CTNNA3: variants seen among roughly 807,000 people sequenced by gnomAD.
CTNNA3 encodes catenin alpha-3.
In CTNNA3, 76 loss-of-function variants were observed where a neutral mutation model predicts 95.7. The ratio of observed to expected loss-of-function variants is 0.79; its 90% CI spans 0.66 to 0.96. CTNNA3 has a LOEUF of 0.96. Ranked by LOEUF, CTNNA3 falls within the 40% of genes least tolerant of loss-of-function variation. The pLI is 0.00. For synonymous variants in CTNNA3, 431 were observed against 374.4 expected (o/e 1.15, Z -1.74); for missense variants, 1,191 against 1,089.8 (o/e 1.09, Z -1.31).
At chr10:67,240,046 T>C (rs1472078377) in intron 5 of CTNNA3, among the ~76,000 whole-genome samples, 1 of 152,206 alleles carries the variant, frequency 6.6e-6, no homozygotes, top group Non-Finnish European at 1.5e-5. Flanking sequence ...CCACATGGAA[T>C]AGCTCAGCAT....
chr10:66,052,516 A>C (rs2079979990), intron 15 of CTNNA3, among the ~76,000 whole-genome samples: 2 of 152,174 alleles, frequency 1.3e-5, no homozygotes. Flanking sequence ...CAGTGTGTGC[A>C]TGTTGTACGT....
At chr10:66,667,057 T>G (rs7914299) in intron 9 of CTNNA3, among the ~76,000 whole-genome samples, 99,617 of 151,856 alleles carry the variant, frequency 0.66, 33,490 homozygotes, top group East Asian at 0.95. Context: ...CCCTATTGAG[T>G]TTATAGTCAA....
chr10:66,390,698 T>C (rs904339829), intron 11 of CTNNA3, among the ~76,000 whole-genome samples: 6 of 152,032 alleles, frequency 3.9e-5, no homozygotes, highest in Admixed American at 2.6e-4. Flanking sequence ...AAAAAGCAAA[T>C]AGAATGCATT....
intron 7 of CTNNA3, among the ~76,000 whole-genome samples, chr10:66,777,783 A>ACACG (rs1840365891): frequency 8.0e-6 from 1 of 124,408 alleles, no homozygotes; most frequent in African/African-American, 2.8e-5. Context: ...ACACACACAC[A>ACACG]CACACACACA....
intron 10 of CTNNA3, among the ~76,000 whole-genome samples, chr10:66,597,287 G>A (rs1377690839): frequency 6.6e-6 from 1 of 151,382 alleles, no homozygotes; most frequent in East Asian, 1.9e-4. Flanking sequence ...CCAATCTGGG[G>A]AGTAAAATGA....
At chr10:66,112,759 T>G (rs2082165830) in intron 13 of CTNNA3, among the ~76,000 whole-genome samples, 1 of 152,128 alleles carries the variant, frequency 6.6e-6, no homozygotes. Context: ...TCACTTAGAA[T>G]AATGTCCCCA....
At chr10:66,494,552 T>G (rs1298244022) in intron 11 of CTNNA3, among the ~76,000 whole-genome samples, 3 of 152,184 alleles carry the variant, frequency 2.0e-5, no homozygotes, top group African/African-American at 7.2e-5. Flanking sequence ...AAGTATGACA[T>G]TGGGTAATAG....
intron 1 of CTNNA3, among the ~76,000 whole-genome samples, chr10:67,733,439 T>C (rs935596728): frequency 1.5e-4 from 23 of 152,136 alleles, no homozygotes; most frequent in African/African-American, 5.6e-4. Flanking sequence ...ATCATACCCA[T>C]CTTCCACCAA....
At chr10:66,464,422 GAGCA>G (rs1838817922) in intron 11 of CTNNA3, among the ~76,000 whole-genome samples, 1 of 151,968 alleles carries the variant, frequency 6.6e-6, no homozygotes, top group East Asian at 1.9e-4. Context: ...CCTCCACAGG[GAGCA>G]ACTGTATCTC....
intron 13 of CTNNA3, among the ~76,000 whole-genome samples, chr10:66,106,296 C>T (rs965313681): frequency 6.7e-6 from 1 of 149,730 alleles, no homozygotes; most frequent in Admixed American, 6.7e-5. Context: ...TCTGCTTCTA[C>T]CTATCTGGTA....
chr10:67,360,238 C>T lies in CTNNA3; in HGVS notation c.580-140368G>A, dbSNP rs565494936. On this transcript the variant is annotated intron_variant, in intron 5 of 17. Transcript: ENST00000433211. ...CATAAAAAAGAAAGAACAACACCTG[C>T]TACCATAAAAACATATGTAAGTACA... is the stretch of plus-strand genomic sequence containing the variant. Among the ~76,000 whole-genome samples the T allele has an allele frequency of 8.5e-5, 13 of 152,140 alleles. No individual in the cohort carries two copies. The East Asian group carries it at 1.7e-3, about 20-fold the overall frequency.
chr10:66,392,889 T>C (rs1243958064), intron 11 of CTNNA3, among the ~76,000 whole-genome samples: 1 of 152,008 alleles, frequency 6.6e-6, no homozygotes, highest in East Asian at 1.9e-4. Flanking sequence ...CGAGCAACCA[T>C]ACCTTGGTAT....
chr10:66,644,486 TATAC>T (rs1466495689), intron 9 of CTNNA3, among the ~76,000 whole-genome samples: 1 of 148,818 alleles, frequency 6.7e-6, no homozygotes, highest in Non-Finnish European at 1.5e-5. Flanking sequence ...TATATATATA[TATAC>T]ACACATACAC....
intron 13 of CTNNA3, among the ~76,000 whole-genome samples, chr10:66,242,457 T>C (rs2090150344): frequency 6.6e-6 from 1 of 152,128 alleles, no homozygotes; most frequent in Admixed American, 6.5e-5. Flanking sequence ...AAAGGACTGC[T>C]ATCAAGAACA....
intron 12 of CTNNA3, among the ~76,000 whole-genome samples, chr10:66,360,596 C>CCTCT (rs2092646626): frequency 1.2e-4 from 11 of 94,074 alleles, no homozygotes; most frequent in Non-Finnish European, 2.5e-4. Context: ...GTATTCTTTC[C>CCTCT]TTCTTTCTTT....
intron 1 of CTNNA3, among the ~76,000 whole-genome samples, chr10:67,747,430 TC>T (rs1841379998): frequency 6.6e-6 from 1 of 152,104 alleles, no homozygotes; most frequent in South Asian, 2.1e-4. Flanking sequence ...TCTTTGCTGT[TC>T]TCCAGCCTCC....
intron 7 of CTNNA3, among the ~76,000 whole-genome samples, chr10:66,870,465 G>T (rs1438689828): frequency 6.6e-6 from 1 of 151,988 alleles, no homozygotes; most frequent in Non-Finnish European, 1.5e-5. Context: ...ACAAATAAAG[G>T]CAAAATATAT....
intron 15 of CTNNA3, among the ~76,000 whole-genome samples, chr10:66,046,543 C>T (rs1213447307): frequency 6.6e-6 from 1 of 151,984 alleles, no homozygotes; most frequent in African/African-American, 2.4e-5. Context: ...ACAACCTAAT[C>T]TCACAACTGA....
At chr10:66,077,985 T>G (rs2080607866) in intron 14 of CTNNA3, among the ~76,000 whole-genome samples, 2 of 151,748 alleles carry the variant, frequency 1.3e-5, no homozygotes. Context: ...TTCCCAACAG[T>G]GAGGACCAAC....
Sources: gnomAD v4.1 joint callset for allele counts (sites outside exome capture counted in the v4.1 genomes callset) on GRCh38, gnomAD v4.1.1 for gene constraint, MANE v1.5 for transcripts, NCBI Gene and HGNC (gene_info 2026-07-23, HGNC 2026-07-21) for gene names.